LINGO2: variants seen among roughly 807,000 people sequenced by gnomAD.
LINGO2 encodes the protein leucine rich repeat and Ig domain containing 2.
A neutral mutation model predicts 30.6 loss-of-function variants in LINGO2; 14 were observed. The ratio of observed to expected loss-of-function variants is 0.46; its 90% CI spans 0.30 to 0.72. LINGO2 has a LOEUF of 0.72. LINGO2 is among the 30% of genes least tolerant of loss of function. The probability of loss-of-function intolerance (pLI) is 0.07; values close to 1 mark genes in which losing one functional copy is unlikely to be tolerated. For synonymous variants in LINGO2, 317 were observed against 288.5 expected (o/e 1.10, Z -1.00); for missense variants, 729 against 751.7 (o/e 0.97, Z 0.35).
chr9:28,820,416 T>C, the LINGO2 span, among the ~76,000 whole-genome samples: 1 of 151,974 alleles, frequency 6.6e-6, no homozygotes, highest in African/African-American at 2.4e-5. Context: ...TCCACTAAAA[T>C]GATGAAAAAG....
At chr9:28,734,398 G>T in the LINGO2 span, among the ~76,000 whole-genome samples, 1 of 152,130 alleles carries the variant, frequency 6.6e-6, no homozygotes, top group African/African-American at 2.4e-5. Flanking sequence ...CTTATTCCTG[G>T]AACATTCCTT....
At chr9:29,102,459 G>C in the LINGO2 span, among the ~76,000 whole-genome samples, 1 of 152,128 alleles carries the variant, frequency 6.6e-6, no homozygotes, top group Non-Finnish European at 1.5e-5. Flanking sequence ...GGGAGCTGGC[G>C]TATAAAAGAG....
the LINGO2 span, among the ~76,000 whole-genome samples, chr9:29,140,790 C>G: frequency 6.6e-6 from 1 of 151,830 alleles, no homozygotes; most frequent in African/African-American, 2.4e-5. Context: ...AAAATTGACT[C>G]TTCACATATA....
chr9:29,038,158 T>C, the LINGO2 span, among the ~76,000 whole-genome samples: 6 of 152,188 alleles, frequency 3.9e-5, no homozygotes, highest in East Asian at 9.6e-4. Context: ...TGCTAGGTTA[T>C]AGTACACATA....
the LINGO2 span, among the ~76,000 whole-genome samples, chr9:29,039,976 G>GA: frequency 6.6e-6 from 1 of 151,946 alleles, no homozygotes; most frequent in African/African-American, 2.4e-5. Context: ...GTATAAAACA[G>GA]AAAAAATCTA....
chr9:29,161,842 G>A, the LINGO2 span, among the ~76,000 whole-genome samples: 27 of 151,768 alleles, frequency 1.8e-4, no homozygotes, highest in Non-Finnish European at 8.8e-5. Flanking sequence ...TACCATATTA[G>A]TGCTATTGAA....
intron 4 of LINGO2, among the ~76,000 whole-genome samples, chr9:28,125,800 G>C (rs529809230): frequency 6.6e-6 from 1 of 152,184 alleles, no homozygotes; most frequent in Admixed American, 6.5e-5. Context: ...ACTGCCTAAG[G>C]CTGATCAATC....
chr9:28,403,843 C>A (rs1331906), intron 2 of LINGO2, among the ~76,000 whole-genome samples: 1 of 152,100 alleles, frequency 6.6e-6, no homozygotes, highest in African/African-American at 2.4e-5. Flanking sequence ...GAAACACTTG[C>A]TACAGTTATT....
intron 3 of LINGO2, among the ~76,000 whole-genome samples, chr9:28,351,992 G>C (rs371092224): frequency 6.6e-6 from 1 of 151,692 alleles, no homozygotes; most frequent in South Asian, 2.1e-4. Context: ...GTATTGCTGG[G>C]ATGTATTTCA....
chr9:29,156,469 A>T, the LINGO2 span, among the ~76,000 whole-genome samples: 1 of 152,242 alleles, frequency 6.6e-6, no homozygotes, highest in East Asian at 1.9e-4. Context: ...TTTCATTTAA[A>T]TCTGGGTTTC....
rs1186020699 is a variant in LINGO2, at chr9:28,055,957, C to T, written c.-86-43552G>A. On this transcript the variant is annotated intron_variant, in intron 4 of 5. Coordinates refer to ENST00000379992, the Ensembl canonical transcript of LINGO2. ...CAGTTACTACTTGAATCTATCATTA[C>T]AACAGTTACTATTGTTACTACTTGA... Among the ~76,000 whole-genome samples the T allele has an allele frequency of 3.3e-5, 5 of 152,246 alleles. No homozygotes were observed. In the East Asian group the frequency reaches 5.8e-4, roughly 18 times the overall value.
intron 4 of LINGO2, among the ~76,000 whole-genome samples, chr9:28,197,379 A>G (rs1365326066): frequency 6.6e-6 from 1 of 151,974 alleles, no homozygotes; most frequent in African/African-American, 2.4e-5. Context: ...TGTAGTAAAG[A>G]TTTAAAAAAA....
At chr9:29,181,625 A>G in the LINGO2 span, among the ~76,000 whole-genome samples, 1 of 152,186 alleles carries the variant, frequency 6.6e-6, no homozygotes, top group African/African-American at 2.4e-5. Context: ...GGAAAAAGAG[A>G]AGAGGCAACT....
At chr9:28,634,904 G>A (rs2135901592) in intron 1 of LINGO2, among the ~76,000 whole-genome samples, 1 of 152,254 alleles carries the variant, frequency 6.6e-6, no homozygotes, top group South Asian at 2.1e-4. Context: ...CCCAATAAAA[G>A]GTTTACGATG....
chr9:28,835,393 C>A, the LINGO2 span, among the ~76,000 whole-genome samples: 3 of 152,218 alleles, frequency 2.0e-5, no homozygotes, highest in Admixed American at 2.0e-4. Context: ...ATGCTTATTT[C>A]TTAATTTTGT....
chr9:29,111,878 T>TATACATATATTTATATATGTGTGTATAC, the LINGO2 span, among the ~76,000 whole-genome samples: 1 of 150,378 alleles, frequency 6.6e-6, no homozygotes, highest in African/African-American at 2.4e-5. Context: ...TGTGTGTATA[T>TATACATATATTTATATATGTGTGTATAC]ATACATATAT....
intron 5 of LINGO2, among the ~76,000 whole-genome samples, chr9:27,974,043 G>T (rs1820479008): frequency 1.3e-5 from 2 of 152,264 alleles, no homozygotes; most frequent in South Asian, 2.1e-4. Context: ...GAGAGTCAGT[G>T]GTTCATTCTG....
At chr9:29,080,322 C>T in the LINGO2 span, among the ~76,000 whole-genome samples, 1 of 151,436 alleles carries the variant, frequency 6.6e-6, no homozygotes, top group Non-Finnish European at 1.5e-5. Context: ...GCATCTATTT[C>T]ATTCCTCTCT....
chr9:29,026,584 C>G, the LINGO2 span, among the ~76,000 whole-genome samples: 1 of 151,866 alleles, frequency 6.6e-6, no homozygotes, highest in African/African-American at 2.4e-5. Flanking sequence ...TTTTTGTCAA[C>G]TATGCAATTA....
Sources: allele counts gnomAD v4.1 joint callset (sites outside exome capture counted in the v4.1 genomes callset), GRCh38; gene constraint gnomAD v4.1.1; transcripts MANE v1.5; gene names NCBI Gene and HGNC (gene_info 2026-07-23, HGNC 2026-07-21).